Variants in PRDM10 observed in about 807,000 individuals in gnomAD.
The protein encoded by PRDM10 is PR/SET domain 10.
In PRDM10, 65 loss-of-function variants were observed where a neutral mutation model predicts 133.1. The ratio of observed to expected loss-of-function variants is 0.49; its 90% CI spans 0.40 to 0.60. The LOEUF is 0.60. PRDM10 is among the 20% of genes least tolerant of loss of function. The pLI is 0.00. For missense variants in PRDM10, 1,137 were observed against 1,507.1 expected (o/e 0.75, Z 4.07); for synonymous variants, 582 against 580.4 (o/e 1.00, Z -0.04).
chr11:129,922,585 A>G (rs914055108), intron 13 of PRDM10, among the ~76,000 whole-genome samples: 1 of 152,156 alleles, frequency 6.6e-6, no homozygotes, highest in Non-Finnish European at 1.5e-5. Flanking sequence ...TTTCTATGAG[A>G]GTGTGACCTA....
At chr11:129,958,059 G>T in intron 2 of PRDM10, 149 bp from the exon 3 acceptor site, 1 of 893,274 alleles carries the variant, frequency 1.1e-6, no homozygotes, top group Non-Finnish European at 1.7e-6. Context: ...AGGGGAGGAT[G>T]CAAGGACCTT....
Position 129,947,643 on chromosome 11 carries a change from C to T in PRDM10, c.295-273G>A. 9.0e-7 allele frequency: 1 copy of T among 1,105,014 alleles called. No individual in the cohort carries two copies. The highest frequency in any genetic ancestry group is 1.2e-6 in the Non-Finnish European group (1 of 813,584). The allele number at this position is 1,105,014 out of a possible 1,614,324, so 68.5% of individuals were successfully genotyped here. A position where few individuals can be genotyped will look rare whatever the true frequency, so the allele number is the denominator to read the frequency against. On this transcript the variant is annotated intron_variant, in intron 4 of 20. Coordinates refer to ENST00000360871, the MANE Select transcript of PRDM10 (RefSeq NM_199437.2). The surrounding 1 kb of genome is among the most constrained non-coding windows in gnomAD (Gnocchi z 4.6). The stretch of plus-strand genomic sequence containing the variant: ...GGGCTGCTAAGAAGGCTCAGGTGCT[C>T]CCTCCTTTGGCAGCAGTGGGAGAGT...
chr11:129,992,211 T>G (rs1361376486), intron 1 of PRDM10, among the ~76,000 whole-genome samples: 1 of 152,144 alleles, frequency 6.6e-6, no homozygotes, highest in Non-Finnish European at 1.5e-5. Flanking sequence ...ATTTTAAAAA[T>G]CAGTATAATC....
intron 1 of PRDM10, among the ~76,000 whole-genome samples, chr11:129,972,398 A>G (rs1442999358): frequency 2.0e-5 from 3 of 152,254 alleles, no homozygotes; most frequent in Non-Finnish European, 4.4e-5. Context: ...ATGACTGGCA[A>G]CAATAGCAAC....
At chr11:129,949,108 T>A (rs1032343913) in intron 4 of PRDM10, among the ~76,000 whole-genome samples, 1 of 152,230 alleles carries the variant, frequency 6.6e-6, no homozygotes. Flanking sequence ...CAGCTTTGCA[T>A]CCATTGCCAA....
At chr11:129,957,379 C>T (rs573974639) in intron 3 of PRDM10, among the ~76,000 whole-genome samples, 171 of 152,104 alleles carry the variant, frequency 1.1e-3, no homozygotes, top group African/African-American at 3.8e-3. Context: ...AGTGCAGTGG[C>T]GCGATCTCGG....
intron 19 of PRDM10, among the ~76,000 whole-genome samples, chr11:129,906,304 T>A (rs920078819): frequency 1.3e-5 from 2 of 152,144 alleles, no homozygotes; most frequent in African/African-American, 4.8e-5. Context: ...GGGCATCGTG[T>A]CTTCCCAGCA....
chr11:129,950,941 C>A (rs916593602), intron 4 of PRDM10, among the ~76,000 whole-genome samples: 2 of 152,224 alleles, frequency 1.3e-5, no homozygotes, highest in South Asian at 4.1e-4. Context: ...CTTCCCCATG[C>A]TGGACCTCTT....
In PRDM10 at chr11:129,900,344, A is replaced by G. The variant is rs1288954890; in HGVS notation, c.*1969T>C. The G allele has an allele frequency of 6.6e-6, 1 of 151,132 alleles. No homozygotes were observed. The highest frequency in any genetic ancestry group is 2.1e-4 in the South Asian group (1 of 4,772). 9.4% of individuals were successfully genotyped at this position (151,132 alleles called of 1,614,324 possible). A position where few individuals can be genotyped will look rare whatever the true frequency, so the allele number is the denominator to read the frequency against. On this transcript the variant is annotated 3_prime_UTR_variant, in exon 21 of 21. Transcript: ENST00000360871. Reference sequence around the variant, plus strand: ...AGAGTCTTTATTTCACTTAAGGACCAAAGAAGAAGAAGAAGAAGAAGAAGA... The same window carrying G: ...AGAGTCTTTATTTCACTTAAGGACCGAAGAAGAAGAAGAAGAAGAAGAAGA...
Position 129,946,500 on chromosome 11 carries a change from A to C in PRDM10, c.520+645T>G, listed in dbSNP as rs138759662. On this transcript the variant is annotated intron_variant, in intron 5 of 20. Transcript: ENST00000360871. ...TAAGCACTTTGCCACATAAGCAAGA[A>C]AATCCACAGAAAGAAACTGATGGTT... Among the ~76,000 whole-genome samples, 12 of 152,248 alleles carry C rather than the reference A, an allele frequency of 7.9e-5. No individual in the cohort carries two copies. The East Asian group carries it at 1.9e-3, about 25-fold the overall frequency.
At chr11:130,001,190 A>AT (rs761089751) in intron 1 of PRDM10, among the ~76,000 whole-genome samples, 25 of 150,752 alleles carry the variant, frequency 1.7e-4, no homozygotes, top group East Asian at 1.4e-3. Context: ...ACCAATCCTA[A>AT]TTTTAAAAAA....
intron 11 of PRDM10, among the ~76,000 whole-genome samples, chr11:129,926,218 C>T (rs538132696): frequency 3.9e-5 from 6 of 152,248 alleles, no homozygotes; most frequent in African/African-American, 1.2e-4. Flanking sequence ...TGGGAGAGTA[C>T]GGGTACTCAG....
At chr11:129,904,480 T>C (rs1244795086) in intron 20 of PRDM10, among the ~76,000 whole-genome samples, 1 of 152,176 alleles carries the variant, frequency 6.6e-6, no homozygotes, top group African/African-American at 2.4e-5. Context: ...CTCCAGAACT[T>C]ATTCACCCAG....
chr11:129,952,340 A>G (rs1353856344), intron 4 of PRDM10, among the ~76,000 whole-genome samples: 1 of 152,204 alleles, frequency 6.6e-6, no homozygotes, highest in African/African-American at 2.4e-5. Flanking sequence ...GTGTGTGGAA[A>G]TGGGGCACCC....
chr11:129,983,617 T>C (rs74495988), intron 1 of PRDM10, among the ~76,000 whole-genome samples: 33 of 152,318 alleles, frequency 2.2e-4, no homozygotes, highest in Non-Finnish European at 4.4e-4. Flanking sequence ...ATTTTTATTT[T>C]GACAAAATAT....
intron 10 of PRDM10, among the ~76,000 whole-genome samples, chr11:129,931,654 G>T (rs1247578161): frequency 2.0e-5 from 3 of 150,472 alleles, no homozygotes; most frequent in Admixed American, 2.0e-4. Flanking sequence ...TGCAAGCTCC[G>T]CCTCCCGGTT....
At chr11:129,984,337 T>C (rs890190990) in intron 1 of PRDM10, among the ~76,000 whole-genome samples, 2 of 152,232 alleles carry the variant, frequency 1.3e-5, no homozygotes, top group Non-Finnish European at 2.9e-5. Flanking sequence ...TTTCTAGACT[T>C]ATATTTCAAC....
chr11:129,941,031 A>C (rs1024577415), intron 7 of PRDM10, among the ~76,000 whole-genome samples: 1 of 152,326 alleles, frequency 6.6e-6, no homozygotes, highest in African/African-American at 2.4e-5. Context: ...GGTATGAGAT[A>C]GGAATCTCCT....
chr11:129,989,195 T>C (rs1938595731), intron 1 of PRDM10, among the ~76,000 whole-genome samples: 1 of 151,960 alleles, frequency 6.6e-6, no homozygotes, highest in African/African-American at 2.4e-5. Flanking sequence ...ATCCCAGCAC[T>C]TTGGGAGGCT....
Sources: gnomAD v4.1 joint callset for allele counts (sites outside exome capture counted in the v4.1 genomes callset) on GRCh38, gnomAD v4.1.1 for gene constraint, Gnocchi (gnomAD v3.1) non-coding constraint, MANE v1.5 for transcripts, NCBI Gene and HGNC (gene_info 2026-07-23, HGNC 2026-07-21) for gene names.